The following CCDC126 variants were observed in gnomAD, a reference collection of about 807,000 sequenced individuals.
The protein encoded by CCDC126 is coiled-coil domain-containing protein 126.
Under a neutral mutation model 11.7 loss-of-function variants are expected in CCDC126, and 5 were observed. The ratio of observed to expected loss-of-function variants is 0.43; its 90% CI spans 0.22 to 0.90. CCDC126 has a LOEUF of 0.90. Among genes scored for constraint, CCDC126 ranks in the 40% least tolerant of loss-of-function variants. The pLI is 0.27. For synonymous variants in CCDC126, 60 were observed against 61.9 expected (o/e 0.97, Z 0.14); for missense variants, 150 against 163.1 (o/e 0.92, Z 0.44).
intron 2 of CCDC126, among the ~76,000 whole-genome samples, chr7:23,600,374 A>ACCCCCCCCCCCCCCCCC (rs35190673): frequency 2.5e-5 from 2 of 80,546 alleles, no homozygotes; most frequent in African/African-American, 4.7e-5. Flanking sequence ...TTCTGTGTTA[A>ACCCCCCCCCCCCCCCCC]CCCCCCCCCC....
At chr7:23,633,767 C>G (rs2128021118) in intron 3 of CCDC126, among the ~76,000 whole-genome samples, 1 of 151,892 alleles carries the variant, frequency 6.6e-6, no homozygotes, top group East Asian at 2.0e-4. Context: ...GGTGGGAGGA[C>G]CTCCTGAGCC....
chr7:23,603,348 G>A (rs564118111), intron 2 of CCDC126, among the ~76,000 whole-genome samples: 10 of 152,244 alleles, frequency 6.6e-5, no homozygotes, highest in African/African-American at 2.4e-4. Context: ...TTCAAATTAG[G>A]CATCTTCAGG....
At chr7:23,601,133 C>T (rs1156351096) in intron 2 of CCDC126, among the ~76,000 whole-genome samples, 1 of 152,040 alleles carries the variant, frequency 6.6e-6, no homozygotes, top group African/African-American at 2.4e-5. Flanking sequence ...CCTGTAATCC[C>T]AGCGCTTTGG....
chr7:23,603,362 A>G (rs1782572767), intron 2 of CCDC126, among the ~76,000 whole-genome samples: 1 of 152,232 alleles, frequency 6.6e-6, no homozygotes, highest in African/African-American at 2.4e-5. Flanking sequence ...CTTCAGGATC[A>G]TTGTCCTAAA....
At chr7:23,616,623 A>G (rs992420346) in intron 3 of CCDC126, among the ~76,000 whole-genome samples, 3 of 151,922 alleles carry the variant, frequency 2.0e-5, no homozygotes, top group Admixed American at 6.6e-5. Context: ...GTTCTGTTTT[A>G]CTCCTCATCC....
intron 1 of CCDC126, 122 bp downstream of exon 1, chr7:23,597,727 C>T (rs1782447495): frequency 6.6e-6 from 1 of 152,360 alleles, no homozygotes; most frequent in African/African-American, 2.4e-5. Flanking sequence ...AGGGCCGCTG[C>T]TGCGGAAACC....
At chr7:23,636,304 G>A (rs1430053998) in intron 3 of CCDC126, among the ~76,000 whole-genome samples, 2 of 150,928 alleles carry the variant, frequency 1.3e-5, no homozygotes, top group Non-Finnish European at 3.0e-5. Context: ...AGTGAGGAGC[G>A]TCTCTGCCTG....
intron 3 of CCDC126, among the ~76,000 whole-genome samples, chr7:23,625,821 A>G (rs911924170): frequency 6.6e-6 from 1 of 151,408 alleles, no homozygotes; most frequent in Non-Finnish European, 1.5e-5. Flanking sequence ...ACGCCCAGCT[A>G]ATTTTTTTTG....
At chr7:23,600,386 C>G (rs1173651024) in intron 2 of CCDC126, among the ~76,000 whole-genome samples, 6 of 144,772 alleles carry the variant, frequency 4.1e-5, no homozygotes, top group Non-Finnish European at 7.6e-5. Flanking sequence ...CCCCCCCCCC[C>G]CACCACCATA....
chr7:23,621,639 G>A (rs912972380), intron 3 of CCDC126, among the ~76,000 whole-genome samples: 1 of 152,152 alleles, frequency 6.6e-6, no homozygotes, highest in Non-Finnish European at 1.5e-5. Flanking sequence ...GGTGAGAGAG[G>A]TCATCCCTGT....
intron 3 of CCDC126, among the ~76,000 whole-genome samples, chr7:23,615,932 A>T (rs1311361283): frequency 6.6e-6 from 1 of 152,246 alleles, no homozygotes; most frequent in Non-Finnish European, 1.5e-5. Context: ...AATTACCCAA[A>T]TGTGACAGAG....
At chr7:23,618,636 C>T (rs1426838115) in intron 3 of CCDC126, among the ~76,000 whole-genome samples, 1 of 150,962 alleles carries the variant, frequency 6.6e-6, no homozygotes, top group Non-Finnish European at 1.5e-5. Flanking sequence ...CTGCAACATC[C>T]ACCTCCTGGG....
intron 3 of CCDC126, among the ~76,000 whole-genome samples, chr7:23,620,963 G>A (rs999853574): frequency 5.3e-5 from 8 of 152,220 alleles, no homozygotes; most frequent in African/African-American, 1.9e-4. Context: ...CCAGTCCCAT[G>A]CTGTTTTGGT....
intron 3 of CCDC126, among the ~76,000 whole-genome samples, chr7:23,623,084 C>T (rs966877591): frequency 3.3e-5 from 5 of 151,166 alleles, no homozygotes; most frequent in Non-Finnish European, 4.4e-5. Context: ...GGCGGTTCTC[C>T]TGCCTTAGCC....
At chr7:23,636,250 G>A (rs1433074765) in intron 3 of CCDC126, among the ~76,000 whole-genome samples, 5 of 152,154 alleles carry the variant, frequency 3.3e-5, no homozygotes, top group African/African-American at 7.2e-5. Context: ...GCCCCCCAAA[G>A]TGCCGAGATT....
intron 3 of CCDC126, among the ~76,000 whole-genome samples, chr7:23,642,324 C>T (rs886131411): frequency 1.3e-5 from 2 of 152,112 alleles, no homozygotes; most frequent in African/African-American, 4.8e-5. Flanking sequence ...GCTTAAGAAA[C>T]TCAAGGTAAA....
intron 2 of CCDC126, among the ~76,000 whole-genome samples, chr7:23,605,652 C>G (rs906041411): frequency 6.6e-6 from 1 of 152,090 alleles, no homozygotes; most frequent in Non-Finnish European, 1.5e-5. Context: ...CATCTTACTT[C>G]CTTAGGGCTG....
At chr7:23,606,543 A>G (rs1782626139) in intron 2 of CCDC126, among the ~76,000 whole-genome samples, 1 of 152,140 alleles carries the variant, frequency 6.6e-6, no homozygotes, top group Non-Finnish European at 1.5e-5. Context: ...ATAGGAATCC[A>G]CTTGGAGGTG....
At chr7:23,610,059 T>C (rs1015021173) in intron 2 of CCDC126, among the ~76,000 whole-genome samples, 1 of 152,200 alleles carries the variant, frequency 6.6e-6, no homozygotes, top group Non-Finnish European at 1.5e-5. Flanking sequence ...TCCTGGTTTT[T>C]CTAGATTCTG....
Sources: allele counts gnomAD v4.1 joint callset (sites outside exome capture counted in the v4.1 genomes callset), GRCh38; gene constraint gnomAD v4.1.1; transcripts MANE v1.5; gene names NCBI Gene and HGNC (gene_info 2026-07-23, HGNC 2026-07-21).